Variants in HERC2 observed in about 807,000 individuals in gnomAD.
HERC2 encodes the protein HECT and RLD domain containing E3 ubiquitin protein ligase 2.
In HERC2, 102 loss-of-function variants were observed where a neutral mutation model predicts 537.7. The ratio of observed to expected loss-of-function variants is 0.19; its 90% CI spans 0.16 to 0.22. HERC2 has a LOEUF of 0.22. Among genes scored for constraint, HERC2 ranks in the 10% least tolerant of loss-of-function variants. The pLI is 1.00. For missense variants in HERC2, 4,236 were observed against 6,198.2 expected, an observed-to-expected ratio of 0.68 and a Z score of 10.63; for synonymous variants, 2,224 against 2,466.2, an observed-to-expected ratio of 0.90 and a Z score of 2.91.
intron 89 of HERC2, 69 bp downstream of exon 89, chr15:28,115,360 G>T (rs185413238): frequency 1.7e-5 from 17 of 1,026,132 alleles, no homozygotes; most frequent in Non-Finnish European, 2.5e-5. Flanking sequence ...CAGCCTGACC[G>T]GACCCGCAGA....
At chr15:28,200,077 A>C (rs1306194543) in intron 48 of HERC2, among the ~76,000 whole-genome samples, 1 of 152,094 alleles carries the variant, frequency 6.6e-6, no homozygotes, top group Non-Finnish European at 1.5e-5. Context: ...TGGGCCTCTG[A>C]CACAACAGGA....
chr15:28,254,154 A>G (rs971347228), intron 20 of HERC2, among the ~76,000 whole-genome samples, 186 bp downstream of exon 20: 2 of 152,052 alleles, frequency 1.3e-5, no homozygotes, highest in African/African-American at 4.8e-5. Context: ...GTGGTGGCAC[A>G]CACCTGTAAT....
At chr15:28,281,116 G>A (rs963412401) in intron 4 of HERC2, among the ~76,000 whole-genome samples, 10 of 152,110 alleles carry the variant, frequency 6.6e-5, no homozygotes, top group Admixed American at 2.0e-4. Flanking sequence ...GGAAGATAAA[G>A]TAACAAGTTA....
At chr15:28,152,656 C>T (rs943088385) in intron 70 of HERC2, 21 bp downstream of exon 70, 27 of 1,524,716 alleles carry the variant, frequency 1.8e-5, no homozygotes, top group Non-Finnish European at 2.3e-5. Context: ...TGCAGCTCCC[C>T]GCTGGGGCCA....
chr15:28,303,419 T>C (rs1375448235), intron 2 of HERC2, among the ~76,000 whole-genome samples: 1 of 152,290 alleles, frequency 6.6e-6, no homozygotes, highest in Admixed American at 6.5e-5. Flanking sequence ...TAGTAAACTT[T>C]GCACTTGATC....
intron 4 of HERC2, among the ~76,000 whole-genome samples, chr15:28,282,661 C>T (rs2076049552): frequency 1.3e-5 from 2 of 152,142 alleles, no homozygotes; most frequent in South Asian, 4.1e-4. Context: ...AGGCAGGGCA[C>T]GGTGGCTCAC....
chr15:28,256,478 A>G (rs573447063), intron 17 of HERC2, among the ~76,000 whole-genome samples, 161 bp from the exon 18 acceptor site: 1 of 152,338 alleles, frequency 6.6e-6, no homozygotes, highest in South Asian at 2.1e-4. Flanking sequence ...TCTTACCCAC[A>G]ATAGTTGAGG....
In HERC2 at chr15:28,183,140, C is replaced by T. The variant is rs117759466; in HGVS notation, c.8826-628G>A. 8.1e-3 allele frequency among the ~76,000 whole-genome samples: 1,227 copies of T among 152,278 alleles called. 11 individuals carry two copies. Among genetic ancestry groups the T allele is most frequent in the Non-Finnish European group, 0.013 (889 of 68,022 alleles). ...CTGAAAGTCCTCGTCTCCTGTCCTT[C>T]CCAGAGGGCTTGCTCCTTCCACCTT... On this transcript the variant is annotated intron_variant, in intron 56 of 92. Coordinates refer to ENST00000261609, the MANE Select transcript of HERC2 (RefSeq NM_004667.6).
intron 83 of HERC2, among the ~76,000 whole-genome samples, chr15:28,126,068 T>A (rs1326464745): frequency 6.6e-6 from 1 of 152,158 alleles, no homozygotes; most frequent in African/African-American, 2.4e-5. Context: ...AAAATCTATG[T>A]TTTTAAAATC....
intron 57 of HERC2, among the ~76,000 whole-genome samples, chr15:28,180,281 A>T (rs1485263574): frequency 1.3e-5 from 2 of 152,226 alleles, no homozygotes. Context: ...TATACCATAT[A>T]GCCTGAGTGT....
At position 28,311,076 on chromosome 15, in the gene HERC2, C is replaced by CAAAA. The variant is rs71132854; in HGVS notation, c.72+10282_72+10285dup. On this transcript the variant is annotated intron_variant, in intron 2 of 92. Coordinates refer to ENST00000261609, the MANE Select transcript of HERC2 (RefSeq NM_004667.6). ...TGGGTGACAGAGTGGGACTGCATCT[C>CAAAA]AAAAAAAAAAAAAAAAAAAAAAAAA... Among the ~76,000 whole-genome samples, 58 of 29,298 alleles carry CAAAA rather than the reference C, an allele frequency of 2.0e-3. 3 individuals carry two copies. Among genetic ancestry groups the CAAAA allele is most frequent in the East Asian group, 8.5e-3 (11 of 1,294 alleles). The allele number at this position is 29,298 out of a possible 152,430, so 19.2% of individuals were successfully genotyped here. A position where few individuals can be genotyped will look rare whatever the true frequency, so the allele number is the denominator to read the frequency against.
chr15:28,170,543 C>A (rs1894588232), intron 65 of HERC2, among the ~76,000 whole-genome samples: 1 of 152,140 alleles, frequency 6.6e-6, no homozygotes, highest in Non-Finnish European at 1.5e-5. Flanking sequence ...GTAGAAAATA[C>A]AAAACTATAA....
intron 2 of HERC2, among the ~76,000 whole-genome samples, chr15:28,304,193 CAG>C (rs1350551973): frequency 3.4e-5 from 3 of 86,972 alleles, no homozygotes; most frequent in Non-Finnish European, 4.8e-5. Context: ...AAAAAAAAAA[CAG>C]AGAAATGCTA....
intron 71 of HERC2, 77 bp downstream of exon 71, chr15:28,146,160 G>A (rs1370436888): frequency 3.1e-6 from 3 of 975,724 alleles, no homozygotes; most frequent in Non-Finnish European, 4.9e-6. Context: ...GCAGCATTCT[G>A]TCCTACAAAT....
At chr15:28,238,926 C>G (rs1419424566) in intron 23 of HERC2, among the ~76,000 whole-genome samples, 154 bp from the exon 24 acceptor site, 1 of 152,134 alleles carries the variant, frequency 6.6e-6, no homozygotes, top group Admixed American at 6.5e-5. Context: ...ACCACACATA[C>G]AAATTCTGTT....
At chr15:28,198,291 T>C (rs1814594364) in intron 50 of HERC2, 87 bp downstream of exon 50, 2 of 1,431,492 alleles carry the variant, frequency 1.4e-6, no homozygotes, top group Admixed American at 3.9e-5. Context: ...GTTTTCTGTT[T>C]TGTGTGCTTG....
At chr15:28,151,819 C>A (rs1465130505) in intron 70 of HERC2, among the ~76,000 whole-genome samples, 9 of 151,774 alleles carry the variant, frequency 5.9e-5, no homozygotes, top group Non-Finnish European at 1.2e-4. Context: ...CCAATTCATT[C>A]TCTGGTAAAT....
chr15:28,130,428 T>C, intron 82 of HERC2, 75 bp downstream of exon 82: 2 of 1,581,500 alleles, frequency 1.3e-6, no homozygotes, highest in East Asian at 2.2e-5. Context: ...TACATTCCCA[T>C]CCATGAAAAG....
chr15:28,271,430 A>AG (rs1262901608), intron 9 of HERC2, among the ~76,000 whole-genome samples: 1 of 152,216 alleles, frequency 6.6e-6, no homozygotes, highest in East Asian at 1.9e-4. Context: ...TGGGAGGGCC[A>AG]GGCAGGCGCA....
Sources: allele counts gnomAD v4.1 joint callset (sites outside exome capture counted in the v4.1 genomes callset), GRCh38; gene constraint gnomAD v4.1.1; transcripts MANE v1.5; gene names NCBI Gene and HGNC (gene_info 2026-07-23, HGNC 2026-07-21).